CHLSN: variants seen among roughly 807,000 people sequenced by gnomAD.
CHLSN encodes cholesin, also known as protein cholesin.
At chr7:1,020,831 T>G in the CHLSN span, among the ~76,000 whole-genome samples, 1 of 151,936 alleles carries the variant, frequency 6.6e-6, no homozygotes, top group African/African-American at 2.4e-5. Flanking sequence ...AACGGAGGAG[T>G]GCAGGGGTCA....
At chr7:984,538 C>A in the CHLSN span, 1 of 1,557,004 alleles carries the variant, frequency 6.4e-7, no homozygotes. Context: ...CGACCGGCCT[C>A]CCATCGCCAT....
At chr7:1,019,802 G>GTCACCCACTCA in the CHLSN span, among the ~76,000 whole-genome samples, 14 of 152,350 alleles carry the variant, frequency 9.2e-5, no homozygotes, top group African/African-American at 3.1e-4. Context: ...TGGAGTGTGG[G>GTCACCCACTCA]GGGCTGGGGC....
chr7:1,130,033 A>G, the CHLSN span, among the ~76,000 whole-genome samples: 8 of 152,142 alleles, frequency 5.3e-5, no homozygotes, highest in Admixed American at 5.2e-4. Flanking sequence ...CCATCACAGG[A>G]CACCTGGCAC....
chr7:985,746 T>C, the CHLSN span, among the ~76,000 whole-genome samples: 2 of 152,198 alleles, frequency 1.3e-5, no homozygotes, highest in South Asian at 4.1e-4. Context: ...GTGTATTTCA[T>C]TTAGCTTCAA....
the CHLSN span, among the ~76,000 whole-genome samples, chr7:1,090,671 G>A: frequency 6.6e-6 from 1 of 152,362 alleles, no homozygotes; most frequent in East Asian, 1.9e-4. Flanking sequence ...GCACCGCCGT[G>A]GGCGGACAGC....
the CHLSN span, among the ~76,000 whole-genome samples, chr7:991,496 G>C: frequency 6.6e-6 from 1 of 152,144 alleles, no homozygotes; most frequent in African/African-American, 2.4e-5. Context: ...GGAAGGGGGG[G>C]GCCGAGTGAG....
chr7:983,373 G>A, the CHLSN span: 1 of 1,520,874 alleles, frequency 6.6e-7, no homozygotes. Context: ...AACAGGACCG[G>A]TCCCTGATGG....
the CHLSN span, chr7:997,874 A>T: frequency 4.2e-6 from 6 of 1,424,712 alleles, no homozygotes; most frequent in Non-Finnish European, 5.8e-6. Context: ...AGGAGACAAG[A>T]CGCTGCAGCC....
At chr7:1,033,580 C>T in the CHLSN span, among the ~76,000 whole-genome samples, 3 of 151,916 alleles carry the variant, frequency 2.0e-5, no homozygotes, top group Non-Finnish European at 2.9e-5. Context: ...AAAATACCAT[C>T]GATATAATGC....
At chr7:1,037,312 C>G in the CHLSN span, among the ~76,000 whole-genome samples, 1 of 136,582 alleles carries the variant, frequency 7.3e-6, no homozygotes, top group Non-Finnish European at 1.6e-5. Flanking sequence ...GGAGCCGAAG[C>G]TGGACTGTAC....
At chr7:1,043,127 A>G in the CHLSN span, among the ~76,000 whole-genome samples, 1 of 151,714 alleles carries the variant, frequency 6.6e-6, no homozygotes, top group Non-Finnish European at 1.5e-5. Context: ...GCATGGTGGC[A>G]CGCACCTGTA....
the CHLSN span, chr7:984,581 G>T: frequency 3.2e-6 from 5 of 1,559,440 alleles, no homozygotes; most frequent in East Asian, 1.2e-4. Flanking sequence ...GGAGGTCGGT[G>T]TGTGGCCGGC....
the CHLSN span, among the ~76,000 whole-genome samples, chr7:1,008,616 G>A: frequency 5.7e-3 from 871 of 152,242 alleles, 11 homozygotes; most frequent in African/African-American, 0.019. Flanking sequence ...CCTCAGCTCC[G>A]AGAAACAGGA....
the CHLSN span, among the ~76,000 whole-genome samples, chr7:1,130,499 CAGA>C: frequency 9.2e-5 from 14 of 152,112 alleles, no homozygotes; most frequent in African/African-American, 7.2e-5. Context: ...ACAGCAGGAG[CAGA>C]AGAAGCCCTC....
the CHLSN span, chr7:1,023,000 T>G: frequency 2.1e-6 from 1 of 466,354 alleles, no homozygotes; most frequent in East Asian, 6.7e-5. Context: ...CGTGAGCTCC[T>G]GGAGGACAGG....
At chr7:1,106,846 G>C in the CHLSN span, among the ~76,000 whole-genome samples, 1 of 152,242 alleles carries the variant, frequency 6.6e-6, no homozygotes, top group Non-Finnish European at 1.5e-5. Flanking sequence ...CAGTGGCGAA[G>C]GGCAGCTGGG....
At chr7:980,425 G>A in the CHLSN span, among the ~76,000 whole-genome samples, 3 of 152,250 alleles carry the variant, frequency 2.0e-5, no homozygotes, top group Non-Finnish European at 2.9e-5. Context: ...GCAGGGCGCT[G>A]GAGGTCCACC....
At chr7:1,102,339 C>T in the CHLSN span, among the ~76,000 whole-genome samples, 1 of 152,232 alleles carries the variant, frequency 6.6e-6, no homozygotes, top group South Asian at 2.1e-4. Flanking sequence ...AAGCTGCGGG[C>T]AGCTCTTGAT....
chr7:1,112,178 G>A, the CHLSN span, among the ~76,000 whole-genome samples: 35 of 152,180 alleles, frequency 2.3e-4, 1 homozygote, highest in Non-Finnish European at 4.4e-5. Context: ...GAAACAGTGG[G>A]CTTTCTGGAA....
Sources: allele counts gnomAD v4.1 joint callset (sites outside exome capture counted in the v4.1 genomes callset), GRCh38; gene constraint gnomAD v4.1.1; transcripts MANE v1.5; gene names NCBI Gene and HGNC (gene_info 2026-07-23, HGNC 2026-07-21).